Variants in EDNRB observed in about 807,000 individuals in gnomAD.
EDNRB encodes Hirschsprung disease 2.
EDNRB carries 18 observed loss-of-function variants against 46.4 expected under a neutral mutation model. The ratio of observed to expected loss-of-function variants is 0.39; its 90% CI spans 0.27 to 0.57. EDNRB has a LOEUF of 0.57. Ranked by LOEUF, EDNRB falls within the 20% of genes least tolerant of loss-of-function variation. The probability of loss-of-function intolerance (pLI) is 0.61; values close to 1 mark genes in which losing one functional copy is unlikely to be tolerated. For synonymous variants in EDNRB, 213 were observed against 204.9 expected (o/e 1.04, Z -0.34); for missense variants, 434 against 537.5 (o/e 0.81, Z 1.90).
intron 1 of EDNRB, among the ~76,000 whole-genome samples, chr13:77,970,021 T>A (rs142215790): frequency 9.7e-4 from 147 of 152,314 alleles, no homozygotes; most frequent in African/African-American, 3.5e-3. Context: ...CATTCCCACT[T>A]GCCTTTCAAG....
intron 1 of EDNRB, 104 bp downstream of exon 1, chr13:77,917,987 A>C (rs1216774941): frequency 6.4e-7 from 1 of 1,569,010 alleles, no homozygotes; most frequent in Admixed American, 1.7e-5. Context: ...CAGAACCTTA[A>C]GAGGGAGCTA....
At chr13:77,974,345 T>G (rs2137699242) in intron 1 of EDNRB, among the ~76,000 whole-genome samples, 1 of 152,300 alleles carries the variant, frequency 6.6e-6, no homozygotes, top group East Asian at 1.9e-4. Flanking sequence ...AGCAAAGTAG[T>G]TGCTGCTACA....
intron 1 of EDNRB, among the ~76,000 whole-genome samples, chr13:77,959,751 G>A (rs928995876): frequency 2.0e-5 from 3 of 152,194 alleles, no homozygotes; most frequent in African/African-American, 7.2e-5. Context: ...AGCTAAAGGA[G>A]GAAGTTCGAA....
At chr13:77,908,021 CAA>C (rs1215042889) in intron 1 of EDNRB, among the ~76,000 whole-genome samples, 19 of 55,086 alleles carry the variant, frequency 3.4e-4, no homozygotes, top group Admixed American at 1.1e-3. Context: ...AAAGAGACTG[CAA>C]AAAAAAAAAA....
chr13:77,931,616 A>T (rs981222628), intron 1 of EDNRB, among the ~76,000 whole-genome samples: 2 of 152,158 alleles, frequency 1.3e-5, no homozygotes, highest in African/African-American at 4.8e-5. Context: ...GTGCACAATT[A>T]GAATAATGTA....
Position 77,898,127 on chromosome 13 carries a change from G to T in EDNRB, c.*73C>A. ...ATACATAGTTTTTTGTTTTGTTTTG[G>T]CAAATGTTTCATTTTGTTTTAATGA... On this transcript the variant is annotated 3_prime_UTR_variant, in exon 7 of 7. Coordinates refer to ENST00000646607, the MANE Select transcript of EDNRB (RefSeq NM_001122659.3). The T allele has an allele frequency of 6.4e-7, 1 of 1,573,208 alleles. No individual in the cohort carries two copies. Among genetic ancestry groups the T allele is most frequent in the South Asian group, 1.1e-5 (1 of 87,340 alleles).
In EDNRB at chr13:77,896,538, A is replaced by T. The variant is rs202174312; in HGVS notation, c.*1662T>A. The stretch of plus-strand genomic sequence containing the variant: ...TGACAGAAAACAACATTACTAGCTT[A>T]TTTCCAACATGTGGCCCAGCCTATT... On this transcript the variant is annotated 3_prime_UTR_variant, in exon 7 of 7. Transcript: ENST00000646607. 6.4e-7 allele frequency: 1 copy of T among 1,566,870 alleles called. No homozygotes were observed. The highest frequency in any genetic ancestry group is 1.3e-5 in the African/African-American group (1 of 74,096).
Position 77,896,638 on chromosome 13 carries a change from A to C in EDNRB, c.*1562T>G. On this transcript the variant is annotated 3_prime_UTR_variant, in exon 7 of 7. Coordinates refer to ENST00000646607, the MANE Select transcript of EDNRB (RefSeq NM_001122659.3). ...GCTCTTGGGCCCAATTTATTTCGAA[A>C]GTCACTCTGAGAACATTGCACTGTG... 6.6e-7 allele frequency: 1 copy of C among 1,519,818 alleles called. No individual in the cohort carries two copies. Among genetic ancestry groups the C allele is most frequent in the South Asian group, 1.2e-5 (1 of 80,420 alleles). 94.1% of individuals were successfully genotyped at this position (1,519,818 alleles called of 1,614,324 possible).
intron 1 of EDNRB, among the ~76,000 whole-genome samples, chr13:77,954,656 G>A (rs2137677634): frequency 6.6e-6 from 1 of 151,962 alleles, no homozygotes; most frequent in Admixed American, 6.6e-5. Flanking sequence ...ACATGCATGT[G>A]CCACGACACA....
In EDNRB at chr13:77,918,827, T is replaced by G; in HGVS notation, c.-254A>C. 1 of 1,299,924 alleles carries G rather than the reference T, an allele frequency of 7.7e-7. No individual in the cohort carries two copies. The highest frequency in any genetic ancestry group is 9.7e-7 in the Non-Finnish European group (1 of 1,028,362). The allele number at this position is 1,299,924 out of a possible 1,614,324, so 80.5% of individuals were successfully genotyped here. On this transcript the variant is annotated 5_prime_UTR_variant, in exon 1 of 7. Transcript: ENST00000646607. The surrounding 1 kb of genome is among the most constrained non-coding windows in gnomAD (Gnocchi z 4.5). ...CTTCCTGATGCCCTCTCAGCTGTTTTTCTTCCCCCGCGTGGCCAGGAGGGG... is the reference window on the plus strand; with the variant it reads ...CTTCCTGATGCCCTCTCAGCTGTTTGTCTTCCCCCGCGTGGCCAGGAGGGG...
upstream of EDNRB, among the ~76,000 whole-genome samples, chr13:77,922,539 G>A (rs1880116224): frequency 6.6e-6 from 1 of 152,182 alleles, no homozygotes; most frequent in Non-Finnish European, 1.5e-5. Context: ...CACAGAAAGA[G>A]TTGGTTCAAC....
chr13:77,929,510 T>C (rs1220427465), intron 1 of EDNRB, among the ~76,000 whole-genome samples: 1 of 152,168 alleles, frequency 6.6e-6, no homozygotes, highest in Non-Finnish European at 1.5e-5. Context: ...ATAGTTGCCA[T>C]TAAGATTTGG....
intron 1 of EDNRB, chr13:77,944,785 C>G (rs140097332): frequency 1.3e-4 from 20 of 152,298 alleles, no homozygotes; most frequent in Non-Finnish European, 2.8e-4. Flanking sequence ...TTTCAGTGAA[C>G]AGCAAGTTGT....
At chr13:77,966,166 G>A (rs1881575641) in intron 1 of EDNRB, among the ~76,000 whole-genome samples, 1 of 152,134 alleles carries the variant, frequency 6.6e-6, no homozygotes, top group African/African-American at 2.4e-5. Context: ...TGGGATTACA[G>A]GGGTGAGCCA....
chr13:77,961,989 A>T (rs1382211594), intron 1 of EDNRB, among the ~76,000 whole-genome samples: 1 of 152,210 alleles, frequency 6.6e-6, no homozygotes, highest in Non-Finnish European at 1.5e-5. Flanking sequence ...CCATCAGAGA[A>T]TACTATAAAC....
At chr13:77,974,573 T>C (rs950172127) in intron 1 of EDNRB, among the ~76,000 whole-genome samples, 3 of 150,984 alleles carry the variant, frequency 2.0e-5, no homozygotes, top group Non-Finnish European at 4.4e-5. Context: ...ACTACTTGTA[T>C]ATCTCTGTCT....
chr13:77,966,416 TC>T (rs1219850248), intron 1 of EDNRB, among the ~76,000 whole-genome samples: 3 of 152,164 alleles, frequency 2.0e-5, no homozygotes, highest in African/African-American at 4.8e-5. Flanking sequence ...TTCTTTGTAT[TC>T]CCTCCTACTG....
At chr13:77,958,405 C>T (rs144053164) in intron 1 of EDNRB, among the ~76,000 whole-genome samples, 2,212 of 151,994 alleles carry the variant, frequency 0.015, 47 homozygotes, top group East Asian at 0.024. Flanking sequence ...GACGGAGTCT[C>T]GCTGTCTCCC....
intron 1 of EDNRB, among the ~76,000 whole-genome samples, chr13:77,935,643 T>A (rs1880539575): frequency 6.6e-6 from 1 of 152,054 alleles, no homozygotes; most frequent in Admixed American, 6.6e-5. Flanking sequence ...AGGTAACAGA[T>A]GAGGAAGAAA....
Sources: allele counts gnomAD v4.1 joint callset (sites outside exome capture counted in the v4.1 genomes callset), GRCh38; gene constraint gnomAD v4.1.1; non-coding constraint Gnocchi (gnomAD v3.1); transcripts MANE v1.5; gene names NCBI Gene and HGNC (gene_info 2026-07-23, HGNC 2026-07-21).